ADGRL3: variants seen among roughly 807,000 people sequenced by gnomAD.
The protein encoded by ADGRL3 is calcium-independent alpha-latrotoxin receptor 3.
In ADGRL3, 62 loss-of-function variants were observed where a neutral mutation model predicts 153.5. The observed-to-expected ratio is 0.40, with a 90% CI of 0.33 to 0.50. ADGRL3 has a LOEUF of 0.50. Ranked by LOEUF, ADGRL3 falls within the 20% of genes least tolerant of loss-of-function variation. The pLI is 0.47. For missense variants in ADGRL3, 1,641 were observed against 1,859.4 expected (o/e 0.88, Z 2.16); for synonymous variants, 710 against 672.5 (o/e 1.06, Z -0.86).
At chr4:61,634,338 C>T (rs941150010) in intron 5 of ADGRL3, among the ~76,000 whole-genome samples, 15 of 152,120 alleles carry the variant, frequency 9.9e-5, no homozygotes, top group Non-Finnish European at 2.9e-5. Context: ...CATACAAAGT[C>T]AGAGTACCGT....
At chr4:61,401,198 A>C (rs2096926438) in intron 2 of ADGRL3, among the ~76,000 whole-genome samples, 1 of 151,898 alleles carries the variant, frequency 6.6e-6, no homozygotes, top group African/African-American at 2.4e-5. Context: ...TTATTAAGTT[A>C]ATTTGTATCA....
intron 6 of ADGRL3, among the ~76,000 whole-genome samples, chr4:61,721,543 T>C (rs2096243938): frequency 6.6e-6 from 1 of 152,168 alleles, no homozygotes; most frequent in Non-Finnish European, 1.5e-5. Context: ...AGATTGAGGG[T>C]AGGTCTGCAT....
Position 62,070,107 on chromosome 4 carries a change from A to G in ADGRL3, c.3833-2A>G. The G allele has an allele frequency of 6.2e-7, 1 of 1,608,246 alleles. No homozygotes were observed. The highest frequency in any genetic ancestry group is 8.5e-7 in the Non-Finnish European group (1 of 1,176,644). On this transcript the variant is annotated splice_acceptor_variant, in intron 26 of 26. Transcript: ENST00000683033. LOFTEE classifies it high-confidence loss of function. Reference sequence around the variant, plus strand: ...GTCATAGTATCTTGTAATCTTTTTCAGAGGGGCTTCTGAACAATGCCAGGG... The same window carrying G: ...GTCATAGTATCTTGTAATCTTTTTCGGAGGGGCTTCTGAACAATGCCAGGG...
rs151319722 is a variant in ADGRL3 at position 61,660,455 on chromosome 4, T to G, written c.474-16371T>G. Among the ~76,000 whole-genome samples, 242 of 152,286 alleles carry G rather than the reference T, an allele frequency of 1.6e-3. 2 individuals are homozygous for G. The highest frequency in any genetic ancestry group is 5.6e-3 in the African/African-American group (232 of 41,584). On this transcript the variant is annotated intron_variant, in intron 5 of 26. Coordinates refer to ENST00000683033, the MANE Select transcript of ADGRL3 (RefSeq NM_001387552.1). ...GGCTATACCCACATGTATTCCTTTT[T>G]TAAATCTATTTTAAATGAATCGATT...
intron 19 of ADGRL3, among the ~76,000 whole-genome samples, chr4:61,984,137 G>A (rs1161001044): frequency 6.6e-6 from 1 of 152,104 alleles, no homozygotes; most frequent in Non-Finnish European, 1.5e-5. Context: ...CATATGTGTC[G>A]AGATGTGAAG....
intron 6 of ADGRL3, among the ~76,000 whole-genome samples, chr4:61,712,649 A>G (rs756430107): frequency 1.3e-5 from 2 of 152,182 alleles, no homozygotes; most frequent in Non-Finnish European, 2.9e-5. Context: ...TGAAGTGTGT[A>G]ATTCACTACC....
intron 2 of ADGRL3, among the ~76,000 whole-genome samples, chr4:61,400,696 A>G (rs551137388): frequency 2.0e-5 from 3 of 151,636 alleles, no homozygotes; most frequent in African/African-American, 7.2e-5. Context: ...ATTCAGAATT[A>G]TGGTTTCCAT....
chr4:62,007,867 C>CT (rs1257047953), intron 21 of ADGRL3, among the ~76,000 whole-genome samples: 1 of 152,100 alleles, frequency 6.6e-6, no homozygotes, highest in Non-Finnish European at 1.5e-5. Context: ...GGACTAGGGA[C>CT]TGTAACCCTG....
rs74475793 is a variant in ADGRL3, at chr4:61,423,944, A to G, written c.-174+40755A>G. On this transcript the variant is annotated intron_variant, in intron 2 of 26. Transcript: ENST00000683033. ...AGAAGTAGAAAATGAAGAGTGAGTG[A>G]AGGAGGCCAATAAGGGTGAATGTTA... Among the ~76,000 whole-genome samples the G allele has an allele frequency of 7.2e-4, 110 of 152,254 alleles. 2 individuals are homozygous for G. The East Asian group carries it at 8.1e-3, about 11-fold the overall frequency.
chr4:62,024,929 CAAAAAAAAAAA>C (rs34456988), intron 21 of ADGRL3, among the ~76,000 whole-genome samples: 1 of 118,474 alleles, frequency 8.4e-6, no homozygotes, highest in African/African-American at 3.3e-5. Context: ...GACTCCGTCT[CAAAAAAAAAAA>C]AAAAAAAAAT....
chr4:61,839,236 CTGG>C (rs2097986039), intron 9 of ADGRL3, among the ~76,000 whole-genome samples: 1 of 152,138 alleles, frequency 6.6e-6, no homozygotes, highest in Non-Finnish European at 1.5e-5. Context: ...GTCACCCAGG[CTGG>C]AGTACAGTGA....
chr4:62,003,716 A>G (rs1319266286), intron 21 of ADGRL3, among the ~76,000 whole-genome samples: 1 of 152,142 alleles, frequency 6.6e-6, no homozygotes, highest in Non-Finnish European at 1.5e-5. Context: ...TCAAAATCCC[A>G]TTAGAATTTG....
intron 8 of ADGRL3, among the ~76,000 whole-genome samples, chr4:61,766,843 G>A (rs2096988375): frequency 6.6e-6 from 1 of 151,992 alleles, no homozygotes; most frequent in Non-Finnish European, 1.5e-5. Context: ...GAGTATATGG[G>A]TTTGGCACCA....
At chr4:61,264,394 T>C (rs2092721850) in intron 1 of ADGRL3, among the ~76,000 whole-genome samples, 2 of 152,146 alleles carry the variant, frequency 1.3e-5, no homozygotes, top group South Asian at 2.1e-4. Flanking sequence ...AAGGACCATT[T>C]TATCTAGATT....
chr4:61,809,598 G>A (rs1380038380), intron 8 of ADGRL3, among the ~76,000 whole-genome samples: 3 of 151,714 alleles, frequency 2.0e-5, no homozygotes, highest in South Asian at 2.1e-4. Context: ...GCTGCTCATC[G>A]CACTCCAGAT....
At chr4:61,365,931 T>TA (rs2096387158) in intron 1 of ADGRL3, among the ~76,000 whole-genome samples, 1 of 152,318 alleles carries the variant, frequency 6.6e-6, no homozygotes, top group Admixed American at 6.5e-5. Context: ...TTTATGGGGT[T>TA]TAGAAAAGCT....
At chr4:61,934,776 C>A (rs2098831354) in intron 13 of ADGRL3, 64 bp from the exon 14 acceptor site, 10 of 1,329,688 alleles carry the variant, frequency 7.5e-6, no homozygotes, top group Non-Finnish European at 1.1e-5. Flanking sequence ...ACATGTACAC[C>A]TGGATTTCTG....
At position 61,456,384 on chromosome 4, in the gene ADGRL3, T is replaced by TAG. The variant is rs1234534774; in HGVS notation, c.-173-40736_-173-40735insGA. 2.9e-3 allele frequency among the ~76,000 whole-genome samples: 330 copies of TAG among 114,830 alleles called. 6 individuals are homozygous for TAG. Among genetic ancestry groups the TAG allele is most frequent in the African/African-American group, 8.8e-3 (262 of 29,740 alleles). The allele number at this position is 114,830 out of a possible 152,430, so 75.3% of individuals were successfully genotyped here. ...AGAGATATAGATATATCTATATATA[T>TAG]ATATAGATATATCTATATCTATATA... On this transcript the variant is annotated intron_variant, in intron 2 of 26. Transcript: ENST00000683033.
intron 9 of ADGRL3, among the ~76,000 whole-genome samples, chr4:61,859,881 G>T (rs1463907942): frequency 6.6e-6 from 1 of 152,142 alleles, no homozygotes; most frequent in East Asian, 1.9e-4. Flanking sequence ...AGTTATTTAT[G>T]TTAAAGAAAT....
Sources: allele counts gnomAD v4.1 joint callset (sites outside exome capture counted in the v4.1 genomes callset), GRCh38; gene constraint gnomAD v4.1.1; transcripts MANE v1.5; gene names NCBI Gene and HGNC (gene_info 2026-07-23, HGNC 2026-07-21).